ADAMTSL1: variants seen among roughly 807,000 people sequenced by gnomAD.
ADAMTSL1 encodes ADAMTS like 1, also known as ADAMTS-like protein 1.
Under a neutral mutation model 201.8 loss-of-function variants are expected in ADAMTSL1, and 126 were observed. The observed-to-expected ratio is 0.62, with a 90% confidence interval of 0.54 to 0.72. The LOEUF (loss-of-function observed/expected upper bound fraction) is 0.72, where lower values mean the gene tolerates loss of function less well. Ranked by LOEUF, ADAMTSL1 falls within the 30% of genes least tolerant of loss-of-function variation. The pLI is 0.00. For synonymous variants in ADAMTSL1, 1,121 were observed against 903.4 expected, an observed-to-expected ratio of 1.24 and a Z score of -4.32; for missense variants, 2,679 against 2,277.8, an observed-to-expected ratio of 1.18 and a Z score of -3.59.
chr9:18,262,376 C>G (rs1320929812), intron 2 of ADAMTSL1, among the ~76,000 whole-genome samples: 1 of 152,162 alleles, frequency 6.6e-6, no homozygotes, highest in African/African-American at 2.4e-5. Flanking sequence ...ATCATCTGAT[C>G]TTTCAAGAGA....
At chr9:18,405,684 T>G (rs1818163254) in intron 2 of ADAMTSL1, among the ~76,000 whole-genome samples, 1 of 151,730 alleles carries the variant, frequency 6.6e-6, no homozygotes. Context: ...TTTAAAACTA[T>G]TATGATGGTT....
intron 13 of ADAMTSL1, among the ~76,000 whole-genome samples, chr9:18,693,662 T>G (rs1385816054): frequency 6.6e-6 from 1 of 152,252 alleles, no homozygotes; most frequent in Non-Finnish European, 1.5e-5. Flanking sequence ...ATATTAACTC[T>G]TATCCTTCTG....
intron 1 of ADAMTSL1, among the ~76,000 whole-genome samples, chr9:17,945,451 C>A: frequency 6.7e-6 from 1 of 148,848 alleles, no homozygotes. Flanking sequence ...TTTGACCCAG[C>A]CATCCCATTA....
chr9:18,058,345 A>G (rs1410558533), intron 1 of ADAMTSL1, among the ~76,000 whole-genome samples: 1 of 152,190 alleles, frequency 6.6e-6, no homozygotes, highest in Admixed American at 6.5e-5. Flanking sequence ...CCAAGAGAAG[A>G]GACCAGATGG....
At chr9:18,158,762 G>T (rs140775698) in intron 1 of ADAMTSL1, among the ~76,000 whole-genome samples, 96 of 152,066 alleles carry the variant, frequency 6.3e-4, no homozygotes, top group Admixed American at 1.8e-3. Flanking sequence ...TCCTTTGTGT[G>T]CATGTCCTTC....
At chr9:18,105,811 A>G (rs1258955402) in intron 1 of ADAMTSL1, among the ~76,000 whole-genome samples, 1 of 152,212 alleles carries the variant, frequency 6.6e-6, no homozygotes, top group Non-Finnish European at 1.5e-5. Flanking sequence ...TGGGAAAACC[A>G]TACTGACAAA....
chr9:18,667,495 T>C (rs1011014269), intron 9 of ADAMTSL1, among the ~76,000 whole-genome samples: 4 of 152,126 alleles, frequency 2.6e-5, no homozygotes, highest in Admixed American at 2.6e-4. Context: ...ACTAGTTGAA[T>C]GGCCTTTGGC....
At chr9:17,982,223 G>C (rs761055499) in intron 1 of ADAMTSL1, among the ~76,000 whole-genome samples, 1 of 152,244 alleles carries the variant, frequency 6.6e-6, no homozygotes, top group Non-Finnish European at 1.5e-5. Flanking sequence ...TGGTGATAAA[G>C]CCATGAAAAT....
At chr9:18,865,168 CT>C (rs1371959334) in intron 23 of ADAMTSL1, among the ~76,000 whole-genome samples, 1 of 152,038 alleles carries the variant, frequency 6.6e-6, no homozygotes, top group Non-Finnish European at 1.5e-5. Context: ...TTAGGTATAT[CT>C]CCTAATGCTA....
rs561841475 is a variant in ADAMTSL1 at position 18,054,828 on chromosome 9, T to C, written c.88-109034T>C. On this transcript the variant is annotated intron_variant, in intron 1 of 29. Transcript: ENST00000680146. ...GACAGGATGTGGATAAATTTAAAAATTGACATTATTTCCCTTGGGGGAGGT... is the reference window on the plus strand; with the variant it reads ...GACAGGATGTGGATAAATTTAAAAACTGACATTATTTCCCTTGGGGGAGGT... Among the ~76,000 whole-genome samples, 3 of 152,362 alleles carry C rather than the reference T, an allele frequency of 2.0e-5. No individual in the cohort carries two copies. In the South Asian group the frequency reaches 6.2e-4, roughly 32 times the overall value.
chr9:18,755,079 T>G (rs1184836371), intron 16 of ADAMTSL1, among the ~76,000 whole-genome samples: 1 of 152,210 alleles, frequency 6.6e-6, no homozygotes, highest in South Asian at 2.1e-4. Flanking sequence ...AAACCTATTG[T>G]GTATGGCTAA....
In ADAMTSL1 at chr9:18,135,265, C is replaced by T. The variant is rs73645724; in HGVS notation, c.88-28597C>T. ...AATTCTTTTAACTGAGGGCTCCATA[C>T]GTACTATGCATTCATATCAAGTTTT... On this transcript the variant is annotated intron_variant, in intron 1 of 29. Coordinates refer to the ADAMTSL1 transcript ENST00000680146. 8.2e-3 allele frequency among the ~76,000 whole-genome samples: 1,243 copies of T among 152,172 alleles called. 18 individuals carry two copies. The highest frequency in any genetic ancestry group is 0.028 in the African/African-American group (1,150 of 41,524).
At chr9:18,849,692 A>G (rs549488495) in intron 23 of ADAMTSL1, among the ~76,000 whole-genome samples, 1 of 152,342 alleles carries the variant, frequency 6.6e-6, no homozygotes, top group African/African-American at 2.4e-5. Flanking sequence ...ACAAGTCAGC[A>G]TCTGTTTCCT....
intron 3 of ADAMTSL1, among the ~76,000 whole-genome samples, chr9:18,565,031 A>C (rs971993589): frequency 6.6e-6 from 1 of 152,208 alleles, no homozygotes; most frequent in Non-Finnish European, 1.5e-5. Context: ...TTAAAGCTAA[A>C]TGTTTTTACT....
At position 18,647,374 on chromosome 9, in the gene ADAMTSL1, T is replaced by TC. The variant is rs199678115; in HGVS notation, c.834+7968dup. ...CATTAATTTTTTGAAGGGTTTTTTT[T>TC]CCCCCATTTCCTTCAGTTCTGCTCT... On this transcript the variant is annotated intron_variant, in intron 7 of 28. Coordinates refer to ENST00000380548, the MANE Select transcript of ADAMTSL1 (RefSeq NM_001040272.6). Among the ~76,000 whole-genome samples the TC allele has an allele frequency of 1.3e-4, 19 of 151,374 alleles. No individual in the cohort carries two copies. In the South Asian group the frequency reaches 3.3e-3, roughly 27 times the overall value.
intron 1 of ADAMTSL1, among the ~76,000 whole-genome samples, chr9:18,029,450 G>T (rs1732027784): frequency 6.6e-6 from 1 of 152,122 alleles, no homozygotes. Context: ...AACCCTAGAA[G>T]AAAACCTAGG....
At chr9:17,959,613 C>T (rs1375897008) in intron 1 of ADAMTSL1, among the ~76,000 whole-genome samples, 2 of 152,096 alleles carry the variant, frequency 1.3e-5, no homozygotes, top group East Asian at 3.9e-4. Flanking sequence ...CGCCTGCCAC[C>T]ATGCCTGGCT....
chr9:18,278,870 A>G (rs974140107), intron 2 of ADAMTSL1, among the ~76,000 whole-genome samples: 4 of 147,872 alleles, frequency 2.7e-5, no homozygotes. Flanking sequence ...TTCCCTTTTT[A>G]TTCCTCTGAC....
At chr9:18,514,383 G>C (rs1818236109) in intron 2 of ADAMTSL1, among the ~76,000 whole-genome samples, 1 of 139,760 alleles carries the variant, frequency 7.2e-6, no homozygotes, top group South Asian at 2.2e-4. Flanking sequence ...AGGCTGGAGT[G>C]CAGCGGCACT....
Sources: allele counts gnomAD v4.1 joint callset (sites outside exome capture counted in the v4.1 genomes callset), GRCh38; gene constraint gnomAD v4.1.1; transcripts MANE v1.5; gene names NCBI Gene and HGNC (gene_info 2026-07-23, HGNC 2026-07-21).